NEGR1: variants seen among roughly 807,000 people sequenced by gnomAD.
NEGR1 encodes IgLON family member 4.
Under a neutral mutation model 40.9 loss-of-function variants are expected in NEGR1, and 10 were observed. The observed-to-expected ratio is 0.24, with a 90% confidence interval of 0.15 to 0.42. NEGR1 has a LOEUF of 0.42. Ranked by LOEUF, NEGR1 falls within the 10% of genes least tolerant of loss-of-function variation. NEGR1 has a pLI of 1.00. For synonymous variants in NEGR1, 185 were observed against 166.8 expected (o/e 1.11, Z -0.84); for missense variants, 352 against 438.9 (o/e 0.80, Z 1.77).
At chr1:71,608,078 CT>C (rs1412794132) in intron 5 of NEGR1, among the ~76,000 whole-genome samples, 1 of 152,190 alleles carries the variant, frequency 6.6e-6, no homozygotes, top group Non-Finnish European at 1.5e-5. Context: ...AACCAGAATC[CT>C]TCTTTTTCCT....
intron 2 of NEGR1, among the ~76,000 whole-genome samples, chr1:71,860,852 T>G (rs575901967): frequency 6.6e-6 from 1 of 152,128 alleles, no homozygotes; most frequent in Admixed American, 6.6e-5. Flanking sequence ...TGGTTGGGAA[T>G]AGTGAACATA....
chr1:71,811,256 AT>A (rs1657991196), intron 2 of NEGR1, among the ~76,000 whole-genome samples: 1 of 152,086 alleles, frequency 6.6e-6, no homozygotes, highest in Non-Finnish European at 1.5e-5. Context: ...ATTGTGCCAC[AT>A]ATTATTTATT....
intron 1 of NEGR1, among the ~76,000 whole-genome samples, chr1:71,994,852 T>C (rs1241165595): frequency 6.6e-6 from 1 of 152,108 alleles, no homozygotes; most frequent in Non-Finnish European, 1.5e-5. Flanking sequence ...GCCTCATGAA[T>C]AATTTTTTTC....
chr1:72,095,889 T>A (rs1052850931), intron 1 of NEGR1, among the ~76,000 whole-genome samples: 64 of 152,214 alleles, frequency 4.2e-4, no homozygotes, highest in African/African-American at 1.4e-3. Flanking sequence ...AAGAAAAGTA[T>A]TTTCCTTTCT....
chr1:71,626,991 A>T (rs559774917), intron 4 of NEGR1, among the ~76,000 whole-genome samples: 5 of 152,298 alleles, frequency 3.3e-5, no homozygotes, highest in African/African-American at 1.2e-4. Flanking sequence ...AAAAGTCAGG[A>T]AACAACAGGT....
At chr1:71,509,615 A>G (rs1241376436) in intron 6 of NEGR1, among the ~76,000 whole-genome samples, 4 of 152,194 alleles carry the variant, frequency 2.6e-5, no homozygotes, top group Non-Finnish European at 5.9e-5. Context: ...TAAAATACCC[A>G]AAAATACACA....
intron 1 of NEGR1, among the ~76,000 whole-genome samples, chr1:72,113,689 T>C (rs1273609368): frequency 6.6e-6 from 1 of 151,690 alleles, no homozygotes; most frequent in African/African-American, 2.4e-5. Context: ...TATTTCAAAT[T>C]ACTCTTTCTA....
At chr1:71,874,402 A>G (rs1376065388) in intron 2 of NEGR1, among the ~76,000 whole-genome samples, 2 of 152,164 alleles carry the variant, frequency 1.3e-5, no homozygotes, top group Admixed American at 1.3e-4. Context: ...GTAATGGTAC[A>G]TATTATCTTC....
At chr1:71,563,176 G>T (rs1367317403) in intron 6 of NEGR1, among the ~76,000 whole-genome samples, 4 of 151,876 alleles carry the variant, frequency 2.6e-5, no homozygotes, top group African/African-American at 9.7e-5. Context: ...TATTGGAATA[G>T]AGAGAGAGAG....
At chr1:72,024,403 T>C (rs542031671) in intron 1 of NEGR1, among the ~76,000 whole-genome samples, 1 of 152,212 alleles carries the variant, frequency 6.6e-6, no homozygotes, top group Admixed American at 6.5e-5. Flanking sequence ...TATTGTTGTT[T>C]ACTCAATTTT....
chr1:71,984,962 A>C (rs921885918), intron 1 of NEGR1, among the ~76,000 whole-genome samples: 7 of 152,148 alleles, frequency 4.6e-5, no homozygotes, highest in African/African-American at 1.7e-4. Flanking sequence ...TCTCCTAACA[A>C]CCATAGGAAA....
intron 1 of NEGR1, among the ~76,000 whole-genome samples, chr1:72,083,252 T>TCCTG (rs903914266): frequency 6.6e-6 from 1 of 151,992 alleles, no homozygotes; most frequent in African/African-American, 2.4e-5. Context: ...TTCCATCCCT[T>TCCTG]CCTGCCTGCC....
At chr1:71,768,251 AT>A (rs1476083617) in intron 3 of NEGR1, among the ~76,000 whole-genome samples, 1 of 152,206 alleles carries the variant, frequency 6.6e-6, no homozygotes, top group Non-Finnish European at 1.5e-5. Flanking sequence ...ACATTAGCCC[AT>A]GAGAGCAGCC....
At chr1:72,191,054 T>C (rs1008839264) in intron 1 of NEGR1, among the ~76,000 whole-genome samples, 1 of 151,610 alleles carries the variant, frequency 6.6e-6, no homozygotes, top group Non-Finnish European at 1.5e-5. Context: ...AAAGTTTTAC[T>C]TATAGTAAAG....
intron 1 of NEGR1, among the ~76,000 whole-genome samples, chr1:71,974,649 C>A (rs1646286335): frequency 6.6e-6 from 1 of 152,066 alleles, no homozygotes; most frequent in Non-Finnish European, 1.5e-5. Context: ...GAATCCTATA[C>A]AAATAACAGT....
chr1:71,511,590 T>C (rs543477683), intron 6 of NEGR1, among the ~76,000 whole-genome samples: 2 of 152,314 alleles, frequency 1.3e-5, no homozygotes, highest in East Asian at 3.9e-4. Flanking sequence ...TCCACAGAAT[T>C]GAAGCATTAT....
chr1:71,413,836 A>G (rs146852420), intron 6 of NEGR1, among the ~76,000 whole-genome samples: 41 of 152,266 alleles, frequency 2.7e-4, no homozygotes, highest in African/African-American at 9.4e-4. Flanking sequence ...ATCACTACCA[A>G]TTACCACATC....
chr1:71,838,690 G>A (rs1435410642), intron 2 of NEGR1, among the ~76,000 whole-genome samples: 1 of 152,052 alleles, frequency 6.6e-6, no homozygotes, highest in Admixed American at 6.6e-5. Flanking sequence ...TAAATGATAT[G>A]CAGTTGGTTG....
intron 1 of NEGR1, among the ~76,000 whole-genome samples, chr1:71,988,487 C>A (rs1038998345): frequency 1.5e-5 from 2 of 131,380 alleles, no homozygotes; most frequent in Non-Finnish European, 3.1e-5. Flanking sequence ...TGCAGTGAGC[C>A]GAGATTGCGC....
Sources: allele counts gnomAD v4.1 joint callset (sites outside exome capture counted in the v4.1 genomes callset), GRCh38; gene constraint gnomAD v4.1.1; transcripts MANE v1.5; gene names NCBI Gene and HGNC (gene_info 2026-07-23, HGNC 2026-07-21).